ITFG1: variants seen among roughly 807,000 people sequenced by gnomAD.
ITFG1 encodes T-cell immunomodulatory protein.
ITFG1 carries 34 observed loss-of-function variants against 81.8 expected under a neutral mutation model. The observed-to-expected ratio is 0.42, with a 90% CI of 0.32 to 0.55. ITFG1 has a LOEUF of 0.55. ITFG1 is among the 20% of genes least tolerant of loss of function. The pLI is 0.17. For synonymous variants in ITFG1, 285 were observed against 270.6 expected (o/e 1.05, Z -0.52); for missense variants, 672 against 755.4 (o/e 0.89, Z 1.29).
At chr16:47,314,971 T>C (rs896687161) in intron 8 of ITFG1, among the ~76,000 whole-genome samples, 1 of 152,110 alleles carries the variant, frequency 6.6e-6, no homozygotes, top group African/African-American at 2.4e-5. Context: ...AAAAAGAATT[T>C]TAGGCTGAGT....
chr16:47,390,602 G>A (rs910047583), intron 6 of ITFG1, among the ~76,000 whole-genome samples: 2 of 151,972 alleles, frequency 1.3e-5, no homozygotes, highest in African/African-American at 2.4e-5. Flanking sequence ...GGGATTACAG[G>A]GCACCCGCCA....
intron 2 of ITFG1, among the ~76,000 whole-genome samples, chr16:47,458,648 ATTCC>A (rs1316219349): frequency 1.3e-5 from 2 of 152,180 alleles, no homozygotes; most frequent in African/African-American, 4.8e-5. Context: ...TTAAACTTGA[ATTCC>A]TTCCAAGTCA....
chr16:47,229,293 C>T (rs747393095), intron 13 of ITFG1, among the ~76,000 whole-genome samples: 2 of 152,052 alleles, frequency 1.3e-5, no homozygotes, highest in African/African-American at 2.4e-5. Context: ...GAGTGCCAAC[C>T]TGAAGGTCAC....
chr16:47,192,064 C>A (rs946380329), intron 14 of ITFG1, among the ~76,000 whole-genome samples: 2 of 152,206 alleles, frequency 1.3e-5, no homozygotes, highest in African/African-American at 4.8e-5. Flanking sequence ...CAGGTGTGAG[C>A]CACCACACCT....
chr16:47,363,833 T>C (rs1359884134), intron 8 of ITFG1, among the ~76,000 whole-genome samples: 1 of 151,850 alleles, frequency 6.6e-6, no homozygotes, highest in African/African-American at 2.4e-5. Context: ...AGTCTTCTCT[T>C]TTTTTTTAGA....
In ITFG1 at chr16:47,436,652, A is replaced by G. The variant is rs750485065; in HGVS notation, c.561-7754T>C. ...TGTGAAAAGGCAGATTAGAATGAAA[A>G]AAGGTTTATTACAGCAAGGATTCTC... On this transcript the variant is annotated intron_variant, in intron 5 of 17. Coordinates refer to ENST00000320640, the MANE Select transcript of ITFG1 (RefSeq NM_030790.5). Among the ~76,000 whole-genome samples, 9 of 152,308 alleles carry G rather than the reference A, an allele frequency of 5.9e-5. No individual in the cohort carries two copies. The South Asian group carries it at 1.9e-3, about 32-fold the overall frequency.
At chr16:47,159,052 T>C (rs1964759800) in intron 16 of ITFG1, 62 bp from the exon 17 acceptor site, 1 of 859,050 alleles carries the variant, frequency 1.2e-6, no homozygotes, top group African/African-American at 1.8e-5. Flanking sequence ...CAAAGTTATA[T>C]TGAGACCCCA....
intron 10 of ITFG1, among the ~76,000 whole-genome samples, chr16:47,294,288 TAA>T (rs1966952463): frequency 6.6e-6 from 1 of 152,166 alleles, no homozygotes; most frequent in Non-Finnish European, 1.5e-5. Flanking sequence ...TGAGATAAGA[TAA>T]TATGATGACT....
intron 10 of ITFG1, among the ~76,000 whole-genome samples, chr16:47,268,232 TA>T (rs1341285601): frequency 2.6e-4 from 40 of 152,236 alleles, no homozygotes; most frequent in Non-Finnish European, 8.8e-5. Context: ...TTAGGGATTT[TA>T]AAAGGATGAT....
rs62060603 is a variant in ITFG1, at chr16:47,188,694, G to A, written c.1454-26030C>T. ...TAGATGACGAGTTAGTGGGTGCAGC[G>A]CATCAGCATGTCACATGTATACATA... On this transcript the variant is annotated intron_variant, in intron 14 of 17. Coordinates refer to ENST00000320640, the MANE Select transcript of ITFG1 (RefSeq NM_030790.5). 6.6e-4 allele frequency among the ~76,000 whole-genome samples: 100 copies of A among 151,160 alleles called. 1 individual carries two copies. Among genetic ancestry groups the A allele is most frequent in the African/African-American group, 2.3e-3 (95 of 41,142 alleles).
In ITFG1 at chr16:47,291,358, T is replaced by C. The variant is rs533936598; in HGVS notation, c.1070+19882A>G. ...TTGCTTTTTCTCCTCATTCTCTTGC[T>C]GTTTTTAAATTTTTTTCCTGTCTCT... On this transcript the variant is annotated intron_variant, in intron 10 of 17. Transcript: ENST00000320640. Among the ~76,000 whole-genome samples, 8 of 152,338 alleles carry C rather than the reference T, an allele frequency of 5.3e-5. No individual in the cohort carries two copies. In the East Asian group the frequency reaches 1.5e-3, roughly 29 times the overall value.
intron 6 of ITFG1, among the ~76,000 whole-genome samples, chr16:47,428,325 C>T (rs950767111): frequency 3.9e-5 from 6 of 151,940 alleles, no homozygotes; most frequent in African/African-American, 1.2e-4. Flanking sequence ...CAAGATTGGG[C>T]CATATAATTG....
intron 12 of ITFG1, among the ~76,000 whole-genome samples, chr16:47,242,828 T>C (rs1965950317): frequency 6.6e-6 from 1 of 152,170 alleles, no homozygotes; most frequent in African/African-American, 2.4e-5. Flanking sequence ...GAAATTACAA[T>C]AGCAATTACT....
At chr16:47,162,432 G>T in intron 15 of ITFG1, 108 bp downstream of exon 15, 4 of 953,602 alleles carry the variant, frequency 4.2e-6, no homozygotes, top group Non-Finnish European at 5.9e-6. Context: ...AAAAATATTT[G>T]GTTTATTTGA....
chr16:47,436,544 T>G (rs900132017), intron 5 of ITFG1, among the ~76,000 whole-genome samples: 1 of 152,182 alleles, frequency 6.6e-6, no homozygotes, highest in Non-Finnish European at 1.5e-5. Flanking sequence ...TATGCATTCT[T>G]GCTAGAATGA....
chr16:47,359,637 T>C (rs532259445), intron 8 of ITFG1, among the ~76,000 whole-genome samples: 3 of 152,360 alleles, frequency 2.0e-5, no homozygotes, highest in East Asian at 3.9e-4. Context: ...CTTGTTACCT[T>C]TGTCCACAAA....
intron 10 of ITFG1, among the ~76,000 whole-genome samples, chr16:47,304,361 T>C (rs112378502): frequency 6.6e-6 from 1 of 152,192 alleles, no homozygotes; most frequent in African/African-American, 2.4e-5. Flanking sequence ...TACAGGTACA[T>C]AGACAGGTCA....
intron 14 of ITFG1, among the ~76,000 whole-genome samples, chr16:47,180,951 C>T (rs569084520): frequency 5.6e-5 from 8 of 142,962 alleles, no homozygotes; most frequent in South Asian, 2.3e-4. Context: ...CGTCTCTGCC[C>T]GGCCGCCCAT....
chr16:47,388,503 T>G (rs767842159), intron 6 of ITFG1, among the ~76,000 whole-genome samples: 3 of 152,094 alleles, frequency 2.0e-5, no homozygotes, highest in Non-Finnish European at 4.4e-5. Context: ...GTTTAATGGG[T>G]GACTTCTCAT....
Sources: allele counts gnomAD v4.1 joint callset (sites outside exome capture counted in the v4.1 genomes callset), GRCh38; gene constraint gnomAD v4.1.1; transcripts MANE v1.5; gene names NCBI Gene and HGNC (gene_info 2026-07-23, HGNC 2026-07-21).